Variants in OVCH1 observed in about 807,000 individuals in gnomAD.
OVCH1 encodes the protein ovochymase 1.
OVCH1 carries 139 observed loss-of-function variants against 138.4 expected under a neutral mutation model. That is an observed-to-expected ratio of 1.00 (90% CI 0.87 to 1.16). The LOEUF (loss-of-function observed/expected upper bound fraction) is 1.16. Among genes scored for constraint, OVCH1 ranks in the 50% most tolerant of loss-of-function variants. OVCH1 has a pLI of 0.00. For synonymous variants in OVCH1, 453 were observed against 467.8 expected (o/e 0.97, Z 0.41); for missense variants, 1,367 against 1,357.9 (o/e 1.01, Z -0.11).
At chr12:29,432,030 C>G (rs754288039) in intron 27 of OVCH1, among the ~76,000 whole-genome samples, 1 of 152,162 alleles carries the variant, frequency 6.6e-6, no homozygotes, top group Admixed American at 6.5e-5. Context: ...CTATTTACCA[C>G]GCATAGTTAT....
At chr12:29,403,358 T>C in the OVCH1 span, among the ~76,000 whole-genome samples, 7 of 152,378 alleles carry the variant, frequency 4.6e-5, no homozygotes, top group East Asian at 1.2e-3. Flanking sequence ...TATTTCCTTA[T>C]GAATTGCTGT....
chr12:29,407,734 G>A (rs1940902308), downstream of OVCH1, among the ~76,000 whole-genome samples: 1 of 151,992 alleles, frequency 6.6e-6, no homozygotes, highest in African/African-American at 2.4e-5. Context: ...TTGAAGTCAG[G>A]TAGTGTGATG....
chr12:29,425,350 C>G (rs980353208), downstream of OVCH1, among the ~76,000 whole-genome samples: 1 of 152,108 alleles, frequency 6.6e-6, no homozygotes, highest in African/African-American at 2.4e-5. Context: ...AATACAGGCT[C>G]CTAGATTATT....
In OVCH1 at chr12:29,477,336, C is replaced by G. The variant is rs752986658; in HGVS notation, c.1246+5G>C. On this transcript the variant is annotated splice_donor_5th_base_variant and intron_variant, in intron 11 of 27. Transcript: ENST00000318184. ...GGCAAGGAATTAAATACCTGAAACA[C>G]TCACCTGCTTCTGACTTCTGTACAG... The G allele has an allele frequency of 6.2e-7, 1 of 1,613,956 alleles. No homozygotes were observed. The highest frequency in any genetic ancestry group is 1.1e-5 in the South Asian group (1 of 91,076).
intron 3 of OVCH1, among the ~76,000 whole-genome samples, chr12:29,419,455 T>C (rs149266363): frequency 0.012 from 1 of 84 alleles, no homozygotes; most frequent in Non-Finnish European, 0.083. Context: ...GCCCGGCTAA[T>C]TTTTTTTTTT....
exon 7 of OVCH1, chr12:29,487,743 A>G (rs776392400): frequency 5.6e-6 from 9 of 1,605,540 alleles, no homozygotes; most frequent in Non-Finnish European, 7.7e-6. Flanking sequence ...CACTTTGGAG[A>G]AAATGCCAAG....
chr12:29,431,453 T>C (rs1941266061), intron 27 of OVCH1, among the ~76,000 whole-genome samples: 1 of 152,078 alleles, frequency 6.6e-6, no homozygotes, highest in South Asian at 2.1e-4. Context: ...AATCCTCCTA[T>C]AGTCCCTCCT....
Position 29,477,206 on chromosome 12 carries a change from A to G in OVCH1, c.1273T>C (p.Leu425=), listed in dbSNP as rs372053488. ...GAGTGATTTGTCCCTTCTTCTACCA[A>G]TATAGCCAGACTCCCACAACCTGAC... The change falls in exon 12 of 28, where the codon TTG becomes CTG. Residue 425 remains leucine (L), a synonymous_variant. Coordinates refer to ENST00000318184, the Ensembl canonical transcript of OVCH1. 3.2e-5 allele frequency: 51 copies of G among 1,613,742 alleles called. No homozygotes were observed. The South Asian group carries it at 3.7e-4, about 12-fold the overall frequency.
chr12:29,453,243 T>TGTATC (rs1941849084), intron 21 of OVCH1, among the ~76,000 whole-genome samples: 1 of 152,156 alleles, frequency 6.6e-6, no homozygotes, highest in Non-Finnish European at 1.5e-5. Context: ...CCTAACTCTA[T>TGTATC]GTATCCCCAG....
Position 29,444,297 on chromosome 12 carries a change from C to T in OVCH1, c.2882-17G>A. On this transcript the variant is annotated splice_polypyrimidine_tract_variant and intron_variant, in intron 23 of 27. Coordinates refer to ENST00000318184, the Ensembl canonical transcript of OVCH1. ...CCTTTGGACCTAAAAGAACAGGAAGCAGAGAAAATGAGAATAAAACCAATT... is the reference window on the plus strand; with the variant it reads ...CCTTTGGACCTAAAAGAACAGGAAGTAGAGAAAATGAGAATAAAACCAATT... The T allele has an allele frequency of 6.2e-7, 1 of 1,607,588 alleles. No individual in the cohort carries two copies. The highest frequency in any genetic ancestry group is 1.1e-5 in the South Asian group (1 of 90,300).
chr12:29,404,021 A>C, the OVCH1 span, among the ~76,000 whole-genome samples: 1 of 152,254 alleles, frequency 6.6e-6, no homozygotes, highest in Non-Finnish European at 1.5e-5. Flanking sequence ...TTGAATGTAC[A>C]AACACACCAA....
At chr12:29,434,923 G>T (rs1268455386) in intron 26 of OVCH1, among the ~76,000 whole-genome samples, 1 of 152,158 alleles carries the variant, frequency 6.6e-6, no homozygotes. Flanking sequence ...AGGACATAAT[G>T]CCCAGTTCTT....
chr12:29,433,736 T>A (rs1300541113), intron 27 of OVCH1: 1 of 1,423,584 alleles, frequency 7.0e-7, no homozygotes, highest in Non-Finnish European at 9.4e-7. Flanking sequence ...TGTTAGTCCC[T>A]TATGATATAC....
In OVCH1 at chr12:29,465,010, A is replaced by G. The variant is rs186939613; in HGVS notation, c.1929+137T>C. 19 of 809,430 alleles carry G rather than the reference A, an allele frequency of 2.3e-5. No individual in the cohort carries two copies. In the Admixed American group the frequency reaches 5.8e-4, roughly 25 times the overall value. The allele number at this position is 809,430 out of a possible 1,614,324, so 50.1% of individuals were successfully genotyped here. Reference sequence around the variant, plus strand: ...AAATGTAATCTCAAATTGCATTTTTAAATGTGGGTATAAATAATAAGTGTG... The same window carrying G: ...AAATGTAATCTCAAATTGCATTTTTGAATGTGGGTATAAATAATAAGTGTG... On this transcript the variant is annotated intron_variant, in intron 17 of 27. Coordinates refer to ENST00000318184, the Ensembl canonical transcript of OVCH1.
intron 3 of OVCH1, among the ~76,000 whole-genome samples, chr12:29,417,831 C>G (rs1941052951): frequency 6.6e-6 from 1 of 151,776 alleles, no homozygotes; most frequent in Non-Finnish European, 1.5e-5. Context: ...CCAGAGATTA[C>G]ACTGTACAGC....
At chr12:29,434,644 T>C (rs1941326003) in intron 26 of OVCH1, among the ~76,000 whole-genome samples, 1 of 151,994 alleles carries the variant, frequency 6.6e-6, no homozygotes, top group Admixed American at 6.6e-5. Context: ...CAAAATGACA[T>C]TATATGTGAA....
At chr12:29,427,818 A>G (rs7301354) in intron 27 of OVCH1, among the ~76,000 whole-genome samples, 25,643 of 152,072 alleles carry the variant, frequency 0.17, 2,376 homozygotes, top group African/African-American at 0.25. Flanking sequence ...ATTGAAGTAA[A>G]ATTGTGCGAG....
At chr12:29,476,845 G>A (rs1265221995) in intron 12 of OVCH1, among the ~76,000 whole-genome samples, 1 of 150,788 alleles carries the variant, frequency 6.6e-6, no homozygotes, top group East Asian at 2.0e-4. Flanking sequence ...AAGGACACTA[G>A]TAAGTTATCA....
intron 3 of OVCH1, among the ~76,000 whole-genome samples, chr12:29,419,774 G>A (rs1255492858): frequency 1.3e-5 from 2 of 152,074 alleles, no homozygotes; most frequent in Non-Finnish European, 1.5e-5. Flanking sequence ...ATTAAGTCTG[G>A]CATTGCCTTA....
Sources: gnomAD v4.1 joint callset for allele counts (sites outside exome capture counted in the v4.1 genomes callset) on GRCh38, gnomAD v4.1.1 for gene constraint, MANE v1.5 for transcripts, NCBI Gene and HGNC (gene_info 2026-07-23, HGNC 2026-07-21) for gene names.